RIGI: variants seen among roughly 807,000 people sequenced by gnomAD.
RIGI encodes the protein antiviral innate immune response receptor RIG-I.
At chr9:32,525,132 C>T in the RIGI span, among the ~76,000 whole-genome samples, 10 of 152,214 alleles carry the variant, frequency 6.6e-5, no homozygotes, top group Non-Finnish European at 1.3e-4. Flanking sequence ...AAGCACCTCC[C>T]CTTCTCGCTA....
the RIGI span, chr9:32,457,440 AAC>A: frequency 8.3e-5 from 133 of 1,602,632 alleles, 3 homozygotes; most frequent in South Asian, 1.4e-3. Flanking sequence ...GGGATGGAAT[AAC>A]ACACAAAAGA....
At chr9:32,489,466 G>T in the RIGI span, 1 of 1,563,228 alleles carries the variant, frequency 6.4e-7, no homozygotes, top group South Asian at 1.1e-5. Flanking sequence ...AATACAAAAG[G>T]AGCAAAATTA....
At chr9:32,469,245 T>C in the RIGI span, among the ~76,000 whole-genome samples, 1 of 152,200 alleles carries the variant, frequency 6.6e-6, no homozygotes, top group African/African-American at 2.4e-5. Flanking sequence ...CTATAACTTT[T>C]ATTTTGCCCT....
At chr9:32,495,435 T>G in the RIGI span, among the ~76,000 whole-genome samples, 1 of 152,052 alleles carries the variant, frequency 6.6e-6, no homozygotes, top group South Asian at 2.1e-4. Context: ...ACTCCTGACC[T>G]CACGATCCAC....
At chr9:32,457,230 T>G in the RIGI span, 8 of 1,614,088 alleles carry the variant, frequency 5.0e-6, no homozygotes, top group Non-Finnish European at 6.8e-6. Flanking sequence ...CCACAAAACT[T>G]TCAATTTTTA....
chr9:32,519,537 T>A, the RIGI span, among the ~76,000 whole-genome samples: 1 of 152,204 alleles, frequency 6.6e-6, no homozygotes, highest in African/African-American at 2.4e-5. Context: ...AAATAGTACA[T>A]TATTATTGGT....
the RIGI span, among the ~76,000 whole-genome samples, chr9:32,473,997 C>T: frequency 5.9e-5 from 9 of 151,960 alleles, no homozygotes; most frequent in South Asian, 2.1e-4. Context: ...CACTGCACTC[C>T]GGCCTGGGTG....
At chr9:32,517,107 T>C in the RIGI span, among the ~76,000 whole-genome samples, 4 of 152,222 alleles carry the variant, frequency 2.6e-5, no homozygotes. Context: ...TATGCCGCTG[T>C]TTTAAGCAGG....
At chr9:32,489,424 G>A in the RIGI span, 2 of 1,613,078 alleles carry the variant, frequency 1.2e-6, no homozygotes, top group Non-Finnish European at 1.7e-6. Context: ...TGGTTTAAAT[G>A]GGCTGTACAA....
At chr9:32,489,565 G>A in the RIGI span, 1 of 516,894 alleles carries the variant, frequency 1.9e-6, no homozygotes, top group Non-Finnish European at 3.4e-6. Flanking sequence ...CCTCATTGGA[G>A]AAAGTTTAGA....
At chr9:32,473,165 T>C in the RIGI span, 3 of 714,628 alleles carry the variant, frequency 4.2e-6, no homozygotes, top group Non-Finnish European at 6.4e-6. Context: ...TTAAAGTTAG[T>C]ACACGTACAG....
the RIGI span, chr9:32,456,085 T>C: frequency 6.6e-6 from 1 of 152,138 alleles, no homozygotes; most frequent in Middle Eastern, 3.2e-3. Flanking sequence ...TTTGGATACA[T>C]ATTCTAATCT....
chr9:32,465,558 T>C, the RIGI span, among the ~76,000 whole-genome samples: 2 of 152,180 alleles, frequency 1.3e-5, no homozygotes, highest in Admixed American at 6.5e-5. Flanking sequence ...ATGACCACCC[T>C]GGGAGTTAAA....
chr9:32,493,397 G>A, the RIGI span, among the ~76,000 whole-genome samples: 14 of 152,240 alleles, frequency 9.2e-5, no homozygotes, highest in African/African-American at 2.9e-4. Flanking sequence ...AGGCCAAGGC[G>A]GGTGGATCAC....
the RIGI span, chr9:32,480,328 A>G: frequency 6.2e-7 from 1 of 1,605,214 alleles, no homozygotes; most frequent in East Asian, 2.2e-5. Flanking sequence ...GTGCATGCTC[A>G]CTGATAATGA....
At chr9:32,489,440 T>C in the RIGI span, 2 of 1,611,366 alleles carry the variant, frequency 1.2e-6, no homozygotes, top group Non-Finnish European at 1.7e-6. Context: ...TACAAGTTTG[T>C]ATCAGACACT....
the RIGI span, among the ~76,000 whole-genome samples, chr9:32,463,748 GA>G: frequency 6.6e-6 from 1 of 151,880 alleles, no homozygotes; most frequent in African/African-American, 2.4e-5. Flanking sequence ...CACTGAGGTG[GA>G]GAAAAGCAAA....
At chr9:32,493,967 G>C in the RIGI span, 1 of 1,516,142 alleles carries the variant, frequency 6.6e-7, no homozygotes, top group Non-Finnish European at 8.9e-7. Flanking sequence ...AAAAAATGTG[G>C]ACTTTTATGA....
chr9:32,510,540 A>G, the RIGI span, among the ~76,000 whole-genome samples: 1 of 152,258 alleles, frequency 6.6e-6, no homozygotes, highest in African/African-American at 2.4e-5. Context: ...GCAAATGCTG[A>G]GAGATTTTGT....
Sources: allele counts gnomAD v4.1 joint callset (sites outside exome capture counted in the v4.1 genomes callset), GRCh38; gene constraint gnomAD v4.1.1; transcripts MANE v1.5; gene names NCBI Gene and HGNC (gene_info 2026-07-23, HGNC 2026-07-21).